Variants in NAALADL2 observed in about 807,000 individuals in gnomAD.
NAALADL2 encodes N-acetylated alpha-linked acidic dipeptidase like 2.
Under a neutral mutation model 87.2 loss-of-function variants are expected in NAALADL2, and 76 were observed. That is an observed-to-expected ratio of 0.87 (90% CI 0.72 to 1.05). The LOEUF is 1.05. Ranked by LOEUF, NAALADL2 falls within the 50% of genes least tolerant of loss-of-function variation. NAALADL2 has a pLI of 0.00. For synonymous variants in NAALADL2, 354 were observed against 331.0 expected, an observed-to-expected ratio of 1.07 and a Z score of -0.75; for missense variants, 1,089 against 945.8, an observed-to-expected ratio of 1.15 and a Z score of -1.99.
intron 2 of NAALADL2, among the ~76,000 whole-genome samples, chr3:175,120,084 G>A (rs555287207): frequency 4.8e-5 from 6 of 123,792 alleles, no homozygotes; most frequent in African/African-American, 1.2e-4. Context: ...TAGATGTACC[G>A]TCAACAGTAT....
At chr3:174,841,103 GTAA>G (rs1031125259) in intron 3 of NAALADL2, among the ~76,000 whole-genome samples, 10 of 151,912 alleles carry the variant, frequency 6.6e-5, no homozygotes, top group Non-Finnish European at 8.8e-5. Context: ...AAAATAAAAA[GTAA>G]TAACAAATCA....
At chr3:174,544,332 G>A (rs1219480384) in intron 1 of NAALADL2, among the ~76,000 whole-genome samples, 2 of 151,916 alleles carry the variant, frequency 1.3e-5, no homozygotes, top group African/African-American at 4.8e-5. Flanking sequence ...TGTTAAATTA[G>A]TGGTTTTTAC....
intron 1 of NAALADL2, among the ~76,000 whole-genome samples, chr3:174,487,813 T>G (rs1006777355): frequency 1.3e-5 from 2 of 151,780 alleles, no homozygotes; most frequent in African/African-American, 4.8e-5. Flanking sequence ...CAAAGGCCAA[T>G]TAGATGTATT....
chr3:175,625,126 T>C (rs1229841073), intron 10 of NAALADL2, among the ~76,000 whole-genome samples: 1 of 151,996 alleles, frequency 6.6e-6, no homozygotes, highest in Non-Finnish European at 1.5e-5. Flanking sequence ...ATAAAGCTAA[T>C]GCTAGGACCT....
intron 3 of NAALADL2, among the ~76,000 whole-genome samples, chr3:174,751,526 G>T (rs1219724441): frequency 6.6e-6 from 1 of 151,918 alleles, no homozygotes; most frequent in Non-Finnish European, 1.5e-5. Flanking sequence ...AGCCAGGCGT[G>T]GTGGCACACG....
rs745352965 is a variant in NAALADL2 at position 175,123,572 on chromosome 3, A to G, written c.545+26281A>G. Among the ~76,000 whole-genome samples the G allele has an allele frequency of 6.6e-5, 10 of 151,910 alleles. No individual in the cohort carries two copies. In the Middle Eastern group the frequency reaches 0.014, roughly 207 times the overall value. On this transcript the variant is annotated intron_variant, in intron 2 of 13. Transcript: ENST00000454872. ...CCTCTATTTCGGACTTTCTCTTTCT[A>G]CTGTGCCTCCAGCTGGGTTACCTGC... is the stretch of plus-strand genomic sequence containing the variant.
chr3:175,477,808 G>A (rs1725918946), intron 9 of NAALADL2, among the ~76,000 whole-genome samples: 1 of 151,992 alleles, frequency 6.6e-6, no homozygotes, highest in South Asian at 2.1e-4. Flanking sequence ...TTTTGTTGTT[G>A]TTGCTTCATT....
chr3:175,100,718 A>C (rs928596764), intron 2 of NAALADL2, among the ~76,000 whole-genome samples: 1 of 151,806 alleles, frequency 6.6e-6, no homozygotes, highest in Non-Finnish European at 1.5e-5. Flanking sequence ...GGCACCTATA[A>C]TCCCAGTTGC....
At chr3:174,790,389 C>A (rs570700367) in intron 3 of NAALADL2, among the ~76,000 whole-genome samples, 1 of 152,182 alleles carries the variant, frequency 6.6e-6, no homozygotes, top group East Asian at 1.9e-4. Context: ...GTGGTTCATG[C>A]CTATAATCCT....
intron 2 of NAALADL2, among the ~76,000 whole-genome samples, chr3:174,683,566 A>T (rs1286846558): frequency 6.6e-6 from 1 of 151,396 alleles, no homozygotes; most frequent in East Asian, 1.9e-4. Context: ...GTTGTTATAG[A>T]TAGATAGATA....
rs1728741726 is a variant in NAALADL2 at position 174,693,221 on chromosome 3, G to A, written c.-114-44420G>A. ...GGTTCATTTAGAACTGAATGCTAAA[G>A]TCCATGCAGCTTGAGTGTATGAAAA... On this transcript the variant is annotated intron_variant, in intron 2 of 3. Transcript: ENST00000434257. Among the ~76,000 whole-genome samples the A allele has an allele frequency of 2.0e-5, 3 of 152,066 alleles. No individual in the cohort carries two copies. The South Asian group carries it at 6.2e-4, about 31-fold the overall frequency.
intron 2 of NAALADL2, among the ~76,000 whole-genome samples, chr3:174,562,523 G>A (rs1560057251): frequency 6.6e-6 from 1 of 152,044 alleles, no homozygotes; most frequent in Non-Finnish European, 1.5e-5. Context: ...CGGTAGAACT[G>A]TAATTTTAAA....
intron 1 of NAALADL2, among the ~76,000 whole-genome samples, chr3:174,954,063 A>T (rs1402205637): frequency 6.6e-6 from 1 of 152,036 alleles, no homozygotes; most frequent in Non-Finnish European, 1.5e-5. Flanking sequence ...GGCATGTTCT[A>T]CCTGGGGATT....
chr3:175,788,852 A>G (rs570400776), intron 13 of NAALADL2, among the ~76,000 whole-genome samples: 1 of 152,234 alleles, frequency 6.6e-6, no homozygotes, highest in Admixed American at 6.5e-5. Context: ...ATAAACTTAC[A>G]TGACAGGCTG....
chr3:174,655,631 A>T (rs1560121154), intron 2 of NAALADL2, among the ~76,000 whole-genome samples: 2 of 152,180 alleles, frequency 1.3e-5, no homozygotes, highest in African/African-American at 4.8e-5. Context: ...ATTTTTACCA[A>T]ATTAAAGTAT....
At chr3:175,291,730 A>G (rs944113368) in intron 4 of NAALADL2, among the ~76,000 whole-genome samples, 4 of 152,164 alleles carry the variant, frequency 2.6e-5, no homozygotes, top group African/African-American at 9.7e-5. Flanking sequence ...CCACTAATGC[A>G]ATTACATCAA....
chr3:174,975,443 C>T (rs1375989294), intron 1 of NAALADL2, among the ~76,000 whole-genome samples: 1 of 152,134 alleles, frequency 6.6e-6, no homozygotes, highest in Non-Finnish European at 1.5e-5. Flanking sequence ...ATTTCCATCT[C>T]CTGGTGTGCA....
At chr3:175,569,323 G>A (rs571441978) in intron 9 of NAALADL2, among the ~76,000 whole-genome samples, 5 of 152,238 alleles carry the variant, frequency 3.3e-5, no homozygotes, top group African/African-American at 1.2e-4. Context: ...CCATTAGTTA[G>A]AAATTAAAGT....
intron 9 of NAALADL2, among the ~76,000 whole-genome samples, chr3:175,496,980 A>T (rs1014288331): frequency 1.3e-5 from 2 of 152,184 alleles, no homozygotes; most frequent in African/African-American, 4.8e-5. Context: ...TTTATAGATG[A>T]TAAATTAAAA....
Sources: allele counts gnomAD v4.1 joint callset (sites outside exome capture counted in the v4.1 genomes callset), GRCh38; gene constraint gnomAD v4.1.1; transcripts MANE v1.5; gene names NCBI Gene and HGNC (gene_info 2026-07-23, HGNC 2026-07-21).